SLC24A3: variants seen among roughly 807,000 people sequenced by gnomAD.
The protein encoded by SLC24A3 is sodium/potassium/calcium exchanger 3.
Under a neutral mutation model 75.8 loss-of-function variants are expected in SLC24A3, and 28 were observed. That is an observed-to-expected ratio of 0.37 (90% confidence interval 0.27 to 0.51). SLC24A3 has a LOEUF of 0.51. Ranked by LOEUF, SLC24A3 falls within the 20% of genes least tolerant of loss-of-function variation. The probability of loss-of-function intolerance (pLI) is 0.94; values close to 1 mark genes in which losing one functional copy is unlikely to be tolerated. For synonymous variants in SLC24A3, 372 were observed against 334.1 expected (o/e 1.11, Z -1.24); for missense variants, 663 against 847.8 (o/e 0.78, Z 2.71).
At chr20:19,306,932 C>G (rs1293672321) in intron 2 of SLC24A3, among the ~76,000 whole-genome samples, 1 of 152,158 alleles carries the variant, frequency 6.6e-6, no homozygotes, top group African/African-American at 2.4e-5. Context: ...GCTTTTCTGT[C>G]AGTAGAGGTT....
intron 2 of SLC24A3, among the ~76,000 whole-genome samples, chr20:19,447,245 A>G (rs1987402377): frequency 6.6e-6 from 1 of 152,162 alleles, no homozygotes; most frequent in African/African-American, 2.4e-5. Context: ...ATGCAAGAAA[A>G]TGGCCAATGT....
intron 2 of SLC24A3, among the ~76,000 whole-genome samples, chr20:19,417,742 G>A (rs1427102077): frequency 6.6e-6 from 1 of 152,180 alleles, no homozygotes; most frequent in East Asian, 1.9e-4. Flanking sequence ...AACTCTGAAG[G>A]CACATTTTCT....
chr20:19,679,599 A>G (rs2032585628), intron 9 of SLC24A3, among the ~76,000 whole-genome samples: 1 of 151,920 alleles, frequency 6.6e-6, no homozygotes, highest in Non-Finnish European at 1.5e-5. Flanking sequence ...GGAGAGGGAG[A>G]GGGAGAGGGA....
intron 2 of SLC24A3, among the ~76,000 whole-genome samples, chr20:19,285,990 C>T (rs1191712660): frequency 2.0e-5 from 3 of 152,152 alleles, no homozygotes; most frequent in Admixed American, 6.6e-5. Flanking sequence ...CCTCAGAGTG[C>T]TTTTTCCAAA....
Position 19,308,028 on chromosome 20 carries a change from C to G in SLC24A3, c.271+26941C>G, listed in dbSNP as rs377224898. Among the ~76,000 whole-genome samples, 30 of 152,316 alleles carry G rather than the reference C, an allele frequency of 2.0e-4. 1 individual carries two copies. In the East Asian group the frequency reaches 4.8e-3, roughly 25 times the overall value. On this transcript the variant is annotated intron_variant, in intron 2 of 16. Transcript: ENST00000328041. The stretch of plus-strand genomic sequence containing the variant: ...TATCTTTATTAACCATACTTGACCT[C>G]ATGTCTACATGACACATGACACAGA...
chr20:19,310,257 AT>A (rs1440750659), intron 2 of SLC24A3, among the ~76,000 whole-genome samples: 1 of 152,218 alleles, frequency 6.6e-6, no homozygotes, highest in Non-Finnish European at 1.5e-5. Flanking sequence ...GCCCAGAGGC[AT>A]CAGCAAGACT....
intron 1 of SLC24A3, among the ~76,000 whole-genome samples, chr20:19,268,407 C>T (rs1983228878): frequency 1.3e-5 from 2 of 152,182 alleles, no homozygotes; most frequent in Non-Finnish European, 2.9e-5. Context: ...GCACACAATT[C>T]TGAAGGTGGG....
chr20:19,567,644 C>T (rs2030981422), intron 3 of SLC24A3, among the ~76,000 whole-genome samples: 1 of 152,170 alleles, frequency 6.6e-6, no homozygotes, highest in Non-Finnish European at 1.5e-5. Flanking sequence ...CACATCTATC[C>T]CTGAAACCTA....
chr20:19,305,228 C>T (rs1189766584), intron 2 of SLC24A3, among the ~76,000 whole-genome samples: 1 of 152,132 alleles, frequency 6.6e-6, no homozygotes, highest in Non-Finnish European at 1.5e-5. Context: ...CCCAGCATTG[C>T]CTCTTTCATG....
chr20:19,564,471 A>G (rs1328718763), intron 3 of SLC24A3, among the ~76,000 whole-genome samples: 1 of 152,114 alleles, frequency 6.6e-6, no homozygotes, highest in African/African-American at 2.4e-5. Context: ...TGTCTCCACC[A>G]TCATCATATC....
At chr20:19,531,098 C>T (rs1568646318) in intron 3 of SLC24A3, among the ~76,000 whole-genome samples, 1 of 150,852 alleles carries the variant, frequency 6.6e-6, no homozygotes, top group Non-Finnish European at 1.5e-5. Context: ...CAATTCTGAA[C>T]CTGTCCACAT....
At chr20:19,579,070 C>T (rs939648809) in intron 3 of SLC24A3, among the ~76,000 whole-genome samples, 3 of 152,138 alleles carry the variant, frequency 2.0e-5, no homozygotes, top group Admixed American at 1.3e-4. Context: ...GAAACAATGG[C>T]CACAGCTAAG....
intron 1 of SLC24A3, among the ~76,000 whole-genome samples, chr20:19,273,665 A>G (rs1983395750): frequency 6.6e-6 from 1 of 152,070 alleles, no homozygotes; most frequent in Non-Finnish European, 1.5e-5. Context: ...GTCCAGCCCC[A>G]GGAGGTGCCA....
At chr20:19,314,554 A>G (rs978200549) in intron 2 of SLC24A3, among the ~76,000 whole-genome samples, 5 of 152,260 alleles carry the variant, frequency 3.3e-5, no homozygotes, top group African/African-American at 1.2e-4. Flanking sequence ...GGCTCTAGCA[A>G]TCTGCCCACC....
chr20:19,515,678 T>G (rs2029973813), intron 3 of SLC24A3, 114 bp downstream of exon 3: 1 of 1,025,244 alleles, frequency 9.8e-7, no homozygotes, highest in Non-Finnish European at 1.5e-6. Context: ...GTTCCCACGC[T>G]GCCTGGTGGG....
intron 16 of SLC24A3, among the ~76,000 whole-genome samples, chr20:19,719,351 G>A (rs1369317966): frequency 6.6e-6 from 1 of 152,186 alleles, no homozygotes; most frequent in African/African-American, 2.4e-5. Flanking sequence ...CAGAATCTTT[G>A]TATGCCAATT....
At chr20:19,572,363 A>T (rs78208657) in intron 3 of SLC24A3, among the ~76,000 whole-genome samples, 6 of 152,264 alleles carry the variant, frequency 3.9e-5, no homozygotes, top group South Asian at 2.1e-4. Context: ...AGAAAAAAAG[A>T]AAAAAACAGG....
intron 2 of SLC24A3, among the ~76,000 whole-genome samples, chr20:19,405,519 C>A (rs567647623): frequency 6.6e-6 from 1 of 152,156 alleles, no homozygotes; most frequent in African/African-American, 2.4e-5. Flanking sequence ...GTACTTAGTA[C>A]CCTGGCCACA....
chr20:19,255,719 T>C (rs913888368), intron 1 of SLC24A3, among the ~76,000 whole-genome samples: 1 of 152,212 alleles, frequency 6.6e-6, no homozygotes, highest in African/African-American at 2.4e-5. Flanking sequence ...GCAATGTCGC[T>C]TGCTAGATGA....
Sources: gnomAD v4.1 joint callset for allele counts (sites outside exome capture counted in the v4.1 genomes callset) on GRCh38, gnomAD v4.1.1 for gene constraint, MANE v1.5 for transcripts, NCBI Gene and HGNC (gene_info 2026-07-23, HGNC 2026-07-21) for gene names.